The following ARFGEF2 variants were observed in gnomAD, a reference collection of about 807,000 sequenced individuals.
The protein encoded by ARFGEF2 is brefeldin A-inhibited guanine nucleotide-exchange protein 2.
ARFGEF2 carries 74 observed loss-of-function variants against 219.9 expected under a neutral mutation model. The ratio of observed to expected loss-of-function variants is 0.34; its 90% CI spans 0.28 to 0.41. The LOEUF (loss-of-function observed/expected upper bound fraction) is 0.41. Ranked by LOEUF, ARFGEF2 falls within the 10% of genes least tolerant of loss-of-function variation. The pLI is 1.00. For synonymous variants in ARFGEF2, 733 were observed against 799.2 expected, an observed-to-expected ratio of 0.92 and a Z score of 1.40; for missense variants, 1,743 against 2,218.3, an observed-to-expected ratio of 0.79 and a Z score of 4.30.
intron 14 of ARFGEF2, among the ~76,000 whole-genome samples, chr20:48,981,622 C>G (rs1223211417): frequency 1.3e-5 from 2 of 152,238 alleles, no homozygotes. Context: ...GCATACCAAT[C>G]AAACGTAGAT....
At chr20:48,973,889 A>T (rs1115534) in intron 12 of ARFGEF2, among the ~76,000 whole-genome samples, 11 of 151,992 alleles carry the variant, frequency 7.2e-5, no homozygotes, top group Non-Finnish European at 1.5e-4. Context: ...AATATTTGCA[A>T]TTTTTTTAGA....
chr20:48,994,784 G>A (rs1391592161), intron 22 of ARFGEF2, among the ~76,000 whole-genome samples, 186 bp downstream of exon 22: 2 of 152,176 alleles, frequency 1.3e-5, no homozygotes, highest in Non-Finnish European at 2.9e-5. Context: ...TGAGTAAAAT[G>A]TCTATTTTAC....
chr20:49,023,640 G>C (rs894146327), intron 35 of ARFGEF2, among the ~76,000 whole-genome samples: 1 of 150,214 alleles, frequency 6.7e-6, no homozygotes, highest in Non-Finnish European at 1.5e-5. Context: ...CTGGGTTCAC[G>C]CCATTCTCCT....
In ARFGEF2 at chr20:48,953,718, G is replaced by T. The variant is rs1160983349; in HGVS notation, c.766G>T (p.Ala256Ser). 1.2e-6 allele frequency: 2 copies of T among 1,614,198 alleles called. No individual in the cohort carries two copies. The highest frequency in any genetic ancestry group is 3.3e-5 in the Admixed American group (2 of 60,018). ...EKTDLTNGEHARSDSGKVSTE... is the reference protein window; with the variant it reads ...EKTDLTNGEHSRSDSGKVSTE... ...AACAGATTTAACCAACGGTGAACATGCCAGGAGTGATTCTGGAAAAGTAAG... is the reference window on the plus strand; with the variant it reads ...AACAGATTTAACCAACGGTGAACATTCCAGGAGTGATTCTGGAAAAGTAAG... Residue 256 changes from alanine (A) to serine (S), a missense_variant, in exon 6 of 39, where the codon GCC becomes TCC. Physicochemically the swap from Ala to Ser is moderately conservative, Grantham distance 99. Coordinates refer to ENST00000371917, the MANE Select transcript of ARFGEF2 (RefSeq NM_006420.3).
intron 12 of ARFGEF2, 150 bp from the exon 13 acceptor site, chr20:48,974,616 A>G (rs2123424944): frequency 6.0e-6 from 4 of 671,856 alleles, no homozygotes; most frequent in Middle Eastern, 4.0e-4. Context: ...GATACTTGTC[A>G]CTTCTTAGCT....
At position 48,971,104 on chromosome 20, in the gene ARFGEF2, T is replaced by A. The variant is rs761796552; in HGVS notation, c.1191-16T>A. ...TTTCTTTTAGCACTGTTGTGGTTTT[T>A]CATTTTCTTTGCCAGATCCCATGAG... is the stretch of plus-strand genomic sequence containing the variant. On this transcript the variant is annotated splice_polypyrimidine_tract_variant and intron_variant, in intron 9 of 38. Transcript: ENST00000371917. 2 of 1,612,030 alleles carry A rather than the reference T, an allele frequency of 1.2e-6. No individual in the cohort carries two copies. Among genetic ancestry groups the A allele is most frequent in the Non-Finnish European group, 8.5e-7 (1 of 1,178,168 alleles).
intron 1 of ARFGEF2, among the ~76,000 whole-genome samples, chr20:48,936,453 C>T (rs1460088274): frequency 3.4e-4 from 51 of 149,702 alleles, no homozygotes; most frequent in African/African-American, 1.1e-3. Flanking sequence ...ACTTCTCAGA[C>T]GGGGCGGCTG....
At chr20:48,928,220 A>T (rs2123270173) in intron 1 of ARFGEF2, among the ~76,000 whole-genome samples, 1 of 112,806 alleles carries the variant, frequency 8.9e-6, no homozygotes. Flanking sequence ...TTTTTTTGAG[A>T]CGGAGTCTCG....
chr20:48,994,781 A>T (rs1043530745), intron 22 of ARFGEF2, among the ~76,000 whole-genome samples, 183 bp downstream of exon 22: 3 of 152,122 alleles, frequency 2.0e-5, no homozygotes, highest in Non-Finnish European at 2.9e-5. Context: ...TGTTGAGTAA[A>T]ATGTCTATTT....
intron 36 of ARFGEF2, among the ~76,000 whole-genome samples, chr20:49,025,973 C>T (rs2091599338): frequency 6.9e-6 from 1 of 145,774 alleles, no homozygotes; most frequent in African/African-American, 2.5e-5. Flanking sequence ...CAGAGCAAGA[C>T]TCCATCTGGA....
chr20:48,996,306 T>C (rs2123476651), intron 23 of ARFGEF2, among the ~76,000 whole-genome samples: 1 of 150,726 alleles, frequency 6.6e-6, no homozygotes, highest in Admixed American at 6.6e-5. Context: ...ATACAAAAAA[T>C]TAGTCAGGCG....
chr20:48,943,321 G>A lies in ARFGEF2; in HGVS notation c.276+1334G>A, dbSNP rs369071425. Among the ~76,000 whole-genome samples the A allele has an allele frequency of 9.2e-5, 14 of 152,268 alleles. 1 individual carries two copies. Among genetic ancestry groups the A allele is most frequent in the South Asian group, 8.3e-4 (4 of 4,820 alleles). On this transcript the variant is annotated intron_variant, in intron 3 of 38. Transcript: ENST00000371917. ...CTTATAAATAAATTTTAGTGAGTAG[G>A]TGCATTTGCAAGTATAGCTGCAAAT...
At chr20:48,980,669 T>C (rs1177078067) in intron 14 of ARFGEF2, among the ~76,000 whole-genome samples, 1 of 152,208 alleles carries the variant, frequency 6.6e-6, no homozygotes, top group Non-Finnish European at 1.5e-5. Flanking sequence ...GGTGCTCCCG[T>C]ATTGGGTGCA....
rs1361437182 is a variant in ARFGEF2 at position 48,936,303 on chromosome 20, C to G, written c.122-4896C>G. On this transcript the variant is annotated intron_variant, in intron 1 of 38. Coordinates refer to ENST00000371917, the MANE Select transcript of ARFGEF2 (RefSeq NM_006420.3). ...GCGGCTGGCCAGGCGGGGGGCTGAC[C>G]CCCCCCACCTCCCTCCCGGACGGGG... 2.2e-5 allele frequency among the ~76,000 whole-genome samples: 3 copies of G among 138,328 alleles called. No homozygotes were observed. In the South Asian group the frequency reaches 6.8e-4, roughly 31 times the overall value. The allele number at this position is 138,328 out of a possible 152,430, so 90.7% of individuals were successfully genotyped here.
At chr20:48,996,733 A>C in intron 23 of ARFGEF2, among the ~76,000 whole-genome samples, 1 of 131,752 alleles carries the variant, frequency 7.6e-6, no homozygotes, top group Admixed American at 8.5e-5. Flanking sequence ...ACAGAACGAG[A>C]CTCCGTCTAA....
At chr20:48,979,066 A>G (rs958115241) in intron 14 of ARFGEF2, among the ~76,000 whole-genome samples, 1 of 152,192 alleles carries the variant, frequency 6.6e-6, no homozygotes, top group African/African-American at 2.4e-5. Flanking sequence ...TTCAAAGGAA[A>G]TGCTTCCAGT....
chr20:49,001,167 TCTC>T (rs2091422877), intron 25 of ARFGEF2, among the ~76,000 whole-genome samples: 1 of 150,538 alleles, frequency 6.6e-6, no homozygotes, highest in African/African-American at 2.4e-5. Flanking sequence ...TTCAAGCTAT[TCTC>T]CTGGGACTAC....
At chr20:49,004,016 A>G (rs537634905) in intron 25 of ARFGEF2, among the ~76,000 whole-genome samples, 40 of 152,292 alleles carry the variant, frequency 2.6e-4, no homozygotes, top group African/African-American at 8.7e-4. Flanking sequence ...AGAAAATTAA[A>G]TAGCACCTTG....
In ARFGEF2 at chr20:49,032,062, G is replaced by A. The variant is rs1260551324; in HGVS notation, c.5077G>A (p.Ala1693Thr). The A allele has an allele frequency of 6.2e-7, 1 of 1,613,724 alleles. No homozygotes were observed. The highest frequency in any genetic ancestry group is 1.1e-5 in the South Asian group (1 of 91,070). Residue 1693 changes from alanine to threonine, a missense_variant, in exon 38 of 39, where the codon GCT (alanine) becomes ACT (threonine). By Grantham distance (58) the Ala-to-Thr change is moderately conservative (BLOSUM62 0). Around this residue, in one of 5 missense-constraint regions of ARFGEF2, gnomAD observed 578 missense variants for 664.0 expected, o/e 0.87. Transcript: ENST00000371917. ...TAATTCTTCTAGTGTTTGCAGTGAA[G>A]CTCTTGCCTATTTCATCACTGTGAA... ...QQRLLTVCSE[A>T]LAYFITVNSE...
Sources: allele counts gnomAD v4.1 joint callset (sites outside exome capture counted in the v4.1 genomes callset), GRCh38; gene constraint gnomAD v4.1.1; regional missense constraint gnomAD v4.1.1; transcripts MANE v1.5; gene names NCBI Gene and HGNC (gene_info 2026-07-23, HGNC 2026-07-21).